NKAIN3: variants seen among roughly 807,000 people sequenced by gnomAD.
The protein encoded by NKAIN3 is sodium/potassium-transporting ATPase subunit beta-1-interacting protein 3.
Under a neutral mutation model 30.2 loss-of-function variants are expected in NKAIN3, and 25 were observed. The ratio of observed to expected loss-of-function variants is 0.83; its 90% confidence interval spans 0.60 to 1.16. The LOEUF (loss-of-function observed/expected upper bound fraction) is 1.16. NKAIN3 is among the 50% of genes most tolerant of loss of function. The probability of loss-of-function intolerance (pLI) is 0.00; values close to 1 mark genes in which losing one functional copy is unlikely to be tolerated. For synonymous variants in NKAIN3, 91 were observed against 89.6 expected (o/e 1.02, Z -0.09); for missense variants, 225 against 254.1 (o/e 0.89, Z 0.78).
chr8:62,775,772 T>C (rs55717040), intron 4 of NKAIN3, among the ~76,000 whole-genome samples: 29,492 of 151,940 alleles, frequency 0.19, 3,264 homozygotes, highest in East Asian at 0.29. Flanking sequence ...TCTGCAGCCA[T>C]TGGATGAAGT....
At chr8:62,362,683 A>G (rs1353509422) in intron 1 of NKAIN3, among the ~76,000 whole-genome samples, 1 of 152,236 alleles carries the variant, frequency 6.6e-6, no homozygotes, top group Non-Finnish European at 1.5e-5. Context: ...GAAAAACTTC[A>G]GCCGAATTAA....
At chr8:62,578,525 G>T (rs1191490308) in intron 1 of NKAIN3, among the ~76,000 whole-genome samples, 1 of 152,062 alleles carries the variant, frequency 6.6e-6, no homozygotes, top group Non-Finnish European at 1.5e-5. Flanking sequence ...AAGTAAATGA[G>T]TAAGCTTCGT....
chr8:62,654,765 T>C (rs1268155554), intron 3 of NKAIN3, among the ~76,000 whole-genome samples: 4 of 152,002 alleles, frequency 2.6e-5, no homozygotes, highest in Non-Finnish European at 4.4e-5. Flanking sequence ...CACATTCTCA[T>C]GAAACACAGG....
chr8:62,690,350 G>A (rs1813927680), intron 3 of NKAIN3, among the ~76,000 whole-genome samples: 1 of 152,124 alleles, frequency 6.6e-6, no homozygotes, highest in African/African-American at 2.4e-5. Flanking sequence ...ACCATGCCAG[G>A]GCCAGAGGGT....
chr8:62,823,360 GT>G (rs991957850), intron 4 of NKAIN3, among the ~76,000 whole-genome samples: 6 of 152,042 alleles, frequency 3.9e-5, no homozygotes, highest in East Asian at 1.9e-4. Flanking sequence ...GGAAACCACA[GT>G]TTTTTCTTCC....
intron 1 of NKAIN3, among the ~76,000 whole-genome samples, chr8:62,426,216 ACTTAATTAC>A (rs1804804171): frequency 6.6e-6 from 1 of 151,954 alleles, no homozygotes; most frequent in Non-Finnish European, 1.5e-5. Flanking sequence ...GACAACAGTG[ACTTAATTAC>A]CTTAGTTTTC....
chr8:62,875,619 A>G lies in NKAIN3; in HGVS notation c.472-42834A>G, dbSNP rs575639182. On this transcript the variant is annotated intron_variant, in intron 4 of 6. Coordinates refer to ENST00000623646, the MANE Select transcript of NKAIN3 (RefSeq NM_001304533.3). ...CCAAAGCATCATAGTCCTGGTACCAAAACAGACATATAGGCCAACGGAGCA... is the reference window on the plus strand; with the variant it reads ...CCAAAGCATCATAGTCCTGGTACCAGAACAGACATATAGGCCAACGGAGCA... Among the ~76,000 whole-genome samples the G allele has an allele frequency of 2.6e-5, 4 of 152,344 alleles. No individual in the cohort carries two copies. The East Asian group carries it at 7.7e-4, about 29-fold the overall frequency.
At chr8:62,479,335 A>T (rs1806629995) in intron 1 of NKAIN3, among the ~76,000 whole-genome samples, 1 of 152,200 alleles carries the variant, frequency 6.6e-6, no homozygotes, top group African/African-American at 2.4e-5. Context: ...TAAGCAACCC[A>T]GCAAGAATGG....
chr8:62,920,242 C>A (rs541110043), intron 5 of NKAIN3, among the ~76,000 whole-genome samples: 2 of 152,230 alleles, frequency 1.3e-5, no homozygotes, highest in East Asian at 1.9e-4. Flanking sequence ...AAAGTAGATA[C>A]CTACTTTTGA....
chr8:62,868,769 T>C (rs1820502307), intron 4 of NKAIN3, among the ~76,000 whole-genome samples: 1 of 152,154 alleles, frequency 6.6e-6, no homozygotes, highest in Non-Finnish European at 1.5e-5. Flanking sequence ...CTGGCATGAG[T>C]GTTGACTGGA....
At chr8:62,845,291 A>ATATATATATATATATAT (rs1165302058) in intron 4 of NKAIN3, among the ~76,000 whole-genome samples, 2 of 134,012 alleles carry the variant, frequency 1.5e-5, no homozygotes, top group Non-Finnish European at 3.2e-5. Context: ...TAGATTATAT[A>ATATATATATATATATAT]TATATATATA....
intron 1 of NKAIN3, among the ~76,000 whole-genome samples, chr8:62,284,324 G>A (rs914952681): frequency 6.6e-6 from 1 of 152,082 alleles, no homozygotes; most frequent in Non-Finnish European, 1.5e-5. Flanking sequence ...TGTCCTTGCT[G>A]TGCTGGTTAA....
chr8:62,354,054 T>A (rs1476445519), intron 1 of NKAIN3, among the ~76,000 whole-genome samples: 1 of 152,174 alleles, frequency 6.6e-6, no homozygotes, highest in Non-Finnish European at 1.5e-5. Flanking sequence ...GAGATTGTGT[T>A]TTGAAAATGG....
intron 3 of NKAIN3, among the ~76,000 whole-genome samples, chr8:62,728,421 G>A (rs1017549576): frequency 4.6e-5 from 7 of 152,204 alleles, no homozygotes; most frequent in African/African-American, 1.7e-4. Flanking sequence ...CCAGCACTTT[G>A]AGAGGCCGAG....
intron 4 of NKAIN3, among the ~76,000 whole-genome samples, chr8:62,747,861 C>A (rs1170642935): frequency 1.3e-5 from 2 of 152,190 alleles, no homozygotes; most frequent in Non-Finnish European, 2.9e-5. Context: ...ACCCACTCTT[C>A]ACATAAACCA....
intron 3 of NKAIN3, among the ~76,000 whole-genome samples, chr8:62,667,478 T>A (rs953037775): frequency 3.3e-5 from 5 of 150,892 alleles, no homozygotes; most frequent in African/African-American, 1.2e-4. Flanking sequence ...ATGCAGTAAC[T>A]CAGATTAGGA....
intron 4 of NKAIN3, among the ~76,000 whole-genome samples, chr8:62,853,532 T>C (rs575796404): frequency 5.3e-5 from 8 of 152,312 alleles, no homozygotes; most frequent in Admixed American, 4.6e-4. Flanking sequence ...TGTTTGTATG[T>C]CTGTGGGGTC....
intron 1 of NKAIN3, among the ~76,000 whole-genome samples, chr8:62,449,104 C>T (rs1203682450): frequency 6.6e-6 from 1 of 151,900 alleles, no homozygotes; most frequent in Admixed American, 6.6e-5. Flanking sequence ...CACCAGAAAT[C>T]TCAAAATCCC....
At chr8:62,635,696 A>C (rs1812104313) in intron 3 of NKAIN3, among the ~76,000 whole-genome samples, 1 of 152,140 alleles carries the variant, frequency 6.6e-6, no homozygotes, top group Non-Finnish European at 1.5e-5. Context: ...TCTATGAACC[A>C]GGGAGCAGCC....
Sources: allele counts gnomAD v4.1 joint callset (sites outside exome capture counted in the v4.1 genomes callset), GRCh38; gene constraint gnomAD v4.1.1; transcripts MANE v1.5; gene names NCBI Gene and HGNC (gene_info 2026-07-23, HGNC 2026-07-21).